EXOSC8: variants seen among roughly 807,000 people sequenced by gnomAD.
The protein encoded by EXOSC8 is exosome component 8.
A neutral mutation model predicts 39.9 loss-of-function variants in EXOSC8; 37 were observed. That is an observed-to-expected ratio of 0.93 (90% confidence interval 0.71 to 1.22). The LOEUF (loss-of-function observed/expected upper bound fraction) is 1.22. Ranked by LOEUF, EXOSC8 falls within the 50% of genes most tolerant of loss-of-function variation. The pLI is 0.00. For missense variants in EXOSC8, 313 were observed against 326.6 expected (o/e 0.96, Z 0.32); for synonymous variants, 93 against 109.5 (o/e 0.85, Z 0.94).
chr13:37,008,949 A>G (rs1264950767), intron 10 of EXOSC8, 114 bp downstream of exon 10: 1 of 769,878 alleles, frequency 1.3e-6, no homozygotes, highest in Non-Finnish European at 2.2e-6. Flanking sequence ...ATTTTAGTAT[A>G]GTTTCTTAGC....
chr13:37,006,131 A>G lies in EXOSC8; in HGVS notation c.361A>G (p.Lys121Glu), dbSNP rs1282165610. ...DVIENSQIIQ[K>E]EDLCISPGKL... is the part of the protein sequence containing the mutation. ...TAAATCAAGTTCACAGATAATTCAG[A>G]AAGAGGACTTATGCATTTCTCCAGG... The change falls in exon 7 of 11, where the codon AAA becomes GAA. Residue 121 changes from lysine to glutamate, a missense_variant. Physicochemically the swap from Lys to Glu is moderately conservative, Grantham distance 56. Coordinates refer to ENST00000389704, the MANE Select transcript of EXOSC8 (RefSeq NM_181503.3). 1.2e-6 allele frequency: 2 copies of G among 1,610,906 alleles called. No individual in the cohort carries two copies. The highest frequency in any genetic ancestry group is 2.2e-5 in the East Asian group (1 of 44,846).
chr13:37,000,878 T>C (rs7981584), intron 1 of EXOSC8, 56 bp downstream of exon 1: 7 of 1,450,192 alleles, frequency 4.8e-6, no homozygotes, highest in African/African-American at 1.5e-5. Context: ...GGCAGCTTCC[T>C]TTAACTCTTA....
chr13:37,007,922 T>C, intron 8 of EXOSC8, 135 bp from the exon 9 acceptor site: 1 of 642,934 alleles, frequency 1.6e-6, no homozygotes, highest in Non-Finnish European at 2.7e-6. Flanking sequence ...TTTACCTTAG[T>C]GGCTGTAAGG....
Position 37,009,488 on chromosome 13 carries a change from C to T in EXOSC8, c.*189C>T. 1 of 855,530 alleles carries T rather than the reference C, an allele frequency of 1.2e-6. No individual in the cohort carries two copies. The allele number at this position is 855,530 out of a possible 1,614,324, so 53.0% of individuals were successfully genotyped here. A position where few individuals can be genotyped will look rare whatever the true frequency, so the allele number is the denominator to read the frequency against. On this transcript the variant is annotated 3_prime_UTR_variant, in exon 11 of 11. Coordinates refer to ENST00000389704, the MANE Select transcript of EXOSC8 (RefSeq NM_181503.3). ...AAAAGCAATGACTTAGGCAAACCAA[C>T]CCTAGTTTGTTAAACCATTTCCCTG... is the stretch of plus-strand genomic sequence containing the variant.
rs1434047677 is a variant in EXOSC8, at chr13:37,009,601, AAGT to A, written c.*305_*307del. The A allele has an allele frequency of 3.8e-6, 6 of 1,586,380 alleles. No individual in the cohort carries two copies. The highest frequency in any genetic ancestry group is 3.3e-5 in the South Asian group (3 of 89,866). ...ATACTGACACATTAAAAAAAACAAA[AAGT>A]AGAAACTCAATTCTTTTGATTCAGT... On this transcript the variant is annotated 3_prime_UTR_variant, in exon 11 of 11. Transcript: ENST00000389704.
At chr13:37,003,208 C>T in intron 4 of EXOSC8, 1 of 474,102 alleles carries the variant, frequency 2.1e-6, no homozygotes, top group East Asian at 3.5e-5. Flanking sequence ...TCAAATGTAG[C>T]AAAATGAAAC....
intron 6 of EXOSC8, 35 bp downstream of exon 6, chr13:37,006,060 AT>A: frequency 6.3e-7 from 1 of 1,582,650 alleles, no homozygotes; most frequent in Non-Finnish European, 8.7e-7. Context: ...ATTACAATTC[AT>A]TTTCAGATAG....
chr13:37,004,310 C>T (rs756301797), intron 4 of EXOSC8: 4 of 393,992 alleles, frequency 1.0e-5, no homozygotes, highest in Non-Finnish European at 1.8e-5. Context: ...GTAATCTTGC[C>T]GAGCAGCACT....
Position 37,000,822 on chromosome 13 carries a change from A to T in EXOSC8, c.17A>T (p.Lys6Ile). ...GGCGGGAAGATGGCGGCTGGGTTCA[A>T]GTGAGTGTTGGCGGGTGGCGGGTAG... MAAGF[K>I]TVEPLEYYRR... Residue 6 changes from lysine (K) to isoleucine (I), a missense_variant and splice_region_variant, in exon 1 of 11, where the codon AAA (lysine) becomes ATA (isoleucine). Lys to Ile is a moderately radical substitution (Grantham distance 102). Transcript: ENST00000389704. 6.3e-7 allele frequency: 1 copy of T among 1,579,846 alleles called. No individual in the cohort carries two copies. The highest frequency in any genetic ancestry group is 8.6e-7 in the Non-Finnish European group (1 of 1,163,286).
chr13:37,007,326 G>A (rs2059146328), intron 8 of EXOSC8, among the ~76,000 whole-genome samples: 1 of 152,194 alleles, frequency 6.6e-6, no homozygotes, highest in Non-Finnish European at 1.5e-5. Context: ...GGGAGAAGGA[G>A]ACAAGAGTTG....
chr13:37,005,194 G>A (rs2059130329), intron 5 of EXOSC8, among the ~76,000 whole-genome samples: 1 of 152,064 alleles, frequency 6.6e-6, no homozygotes, highest in Admixed American at 6.5e-5. Flanking sequence ...AAGATTCTTT[G>A]CTTTATACAA....
In EXOSC8 at chr13:37,007,247, G is replaced by A. The variant is rs183729519; in HGVS notation, c.487+176G>A. ...TCTCTAACTGAATGCTCTTTAGAGT[G>A]CTGCTTTGACTGTACCCATCTACTT... is the stretch of plus-strand genomic sequence containing the variant. On this transcript the variant is annotated intron_variant, in intron 8 of 10. Coordinates refer to ENST00000389704, the MANE Select transcript of EXOSC8 (RefSeq NM_181503.3). Among the ~76,000 whole-genome samples, 150 of 152,308 alleles carry A rather than the reference G, an allele frequency of 9.8e-4. 1 individual carries two copies. The highest frequency in any genetic ancestry group is 8.4e-4 in the Non-Finnish European group (57 of 68,034).
rs371593334 is a variant in EXOSC8 at position 37,008,143 on chromosome 13, C to A, written c.574C>A (p.His192Asn). The change falls in exon 9 of 11, where the codon CAT (histidine) becomes AAT (asparagine). Residue 192 changes from histidine (H) to asparagine (N), a missense_variant. Transcript: ENST00000389704. ...KKKSYLNIRTHPVATSFAVFD... is the reference protein window; with the variant it reads ...KKKSYLNIRTNPVATSFAVFD... ...GAAAAGTTATTTGAATATTAGAACT[C>A]ATCCAGTTGCAACTTCCTTTGCTGT... The A allele has an allele frequency of 3.1e-6, 5 of 1,596,828 alleles. No homozygotes were observed. In the African/African-American group the frequency reaches 6.8e-5, roughly 22 times the overall value.
chr13:37,002,648 G>T (rs1277362427), intron 3 of EXOSC8, 97 bp downstream of exon 3: 1 of 870,240 alleles, frequency 1.1e-6, no homozygotes, highest in Non-Finnish European at 1.8e-6. Flanking sequence ...TTGTCTAAAG[G>T]ATTTGATGAT....
At position 37,004,516 on chromosome 13, in the gene EXOSC8, G is replaced by C; in HGVS notation, c.193G>C (p.Glu65Gln). The change falls in exon 5 of 11, where the codon GAA (glutamate) becomes CAA (glutamine). Residue 65 changes from glutamate (E) to glutamine (Q), a missense_variant and splice_region_variant. Coordinates refer to ENST00000389704, the MANE Select transcript of EXOSC8 (RefSeq NM_181503.3). ...NTTVICGVKAEFAAPSTDAPD... is the reference protein window; with the variant it reads ...NTTVICGVKAQFAAPSTDAPD... ...AGGAAACATTTCTTTGCTACTATAG[G>C]AATTTGCAGCACCATCAACAGATGC... 2 of 1,604,846 alleles carry C rather than the reference G, an allele frequency of 1.2e-6. No homozygotes were observed. The highest frequency in any genetic ancestry group is 1.7e-6 in the Non-Finnish European group (2 of 1,173,570).
At chr13:37,007,328 CAA>C (rs1442508184) in intron 8 of EXOSC8, among the ~76,000 whole-genome samples, 1 of 152,142 alleles carries the variant, frequency 6.6e-6, no homozygotes, top group Non-Finnish European at 1.5e-5. Flanking sequence ...GAGAAGGAGA[CAA>C]GAGTTGTAAC....
In EXOSC8 at chr13:37,006,129, A is replaced by G; in HGVS notation, c.359A>G (p.Gln120Arg). The change falls in exon 7 of 11, where the codon CAG becomes CGG. Residue 120 changes from glutamine to arginine, a missense_variant. Coordinates refer to ENST00000389704, the MANE Select transcript of EXOSC8 (RefSeq NM_181503.3). Reference sequence around the variant, plus strand: ...ATTAAATCAAGTTCACAGATAATTCAGAAAGAGGACTTATGCATTTCTCCA... The same window carrying G: ...ATTAAATCAAGTTCACAGATAATTCGGAAAGAGGACTTATGCATTTCTCCA... ...ADVIENSQII[Q>R]KEDLCISPGK... 6.2e-7 allele frequency: 1 copy of G among 1,610,800 alleles called. No homozygotes were observed. Among genetic ancestry groups the G allele is most frequent in the Non-Finnish European group, 8.5e-7 (1 of 1,177,104 alleles).
intron 8 of EXOSC8, among the ~76,000 whole-genome samples, chr13:37,007,442 C>G (rs2059148889): frequency 6.6e-6 from 1 of 152,106 alleles, no homozygotes; most frequent in African/African-American, 2.4e-5. Flanking sequence ...TACTGTGAGG[C>G]CATAGTAATA....
At chr13:37,007,100 TC>T in intron 8 of EXOSC8, 29 bp downstream of exon 8, 1 of 1,330,106 alleles carries the variant, frequency 7.5e-7, no homozygotes, top group Non-Finnish European at 1.1e-6. Flanking sequence ...AAGGCAATAT[TC>T]CCACTCATGG....
Sources: allele counts gnomAD v4.1 joint callset (sites outside exome capture counted in the v4.1 genomes callset), GRCh38; gene constraint gnomAD v4.1.1; transcripts MANE v1.5; gene names NCBI Gene and HGNC (gene_info 2026-07-23, HGNC 2026-07-21).